The following GOLGA4 variants were observed in gnomAD, a reference collection of about 807,000 sequenced individuals.
GOLGA4 encodes the protein golgin subfamily A member 4.
Under a neutral mutation model 265.9 loss-of-function variants are expected in GOLGA4, and 169 were observed. That is an observed-to-expected ratio of 0.64 (90% CI 0.56 to 0.72). The LOEUF (loss-of-function observed/expected upper bound fraction) is 0.72. GOLGA4 is among the 30% of genes least tolerant of loss of function. GOLGA4 has a pLI of 0.00. For missense variants in GOLGA4, 2,482 were observed against 2,483.4 expected, an observed-to-expected ratio of 1.00 and a Z score of 0.01; for synonymous variants, 923 against 855.8, an observed-to-expected ratio of 1.08 and a Z score of -1.37.
Position 37,324,956 on chromosome 3 carries a change from A to T in GOLGA4, c.3070A>T (p.Asn1024Tyr), listed in dbSNP as rs2096965621. 1 of 1,613,510 alleles carries T rather than the reference A, an allele frequency of 6.2e-7. No individual in the cohort carries two copies. Reference protein sequence around the residue: ...ISDAVSRLETNQKEQIESLTE... With the variant: ...ISDAVSRLETYQKEQIESLTE... ...TGATGCAGTGTCAAGACTGGAAACA[A>T]ACCAAAAAGAACAAATAGAAAGTCT... is the stretch of plus-strand genomic sequence containing the variant. The change falls in exon 14 of 24, where the codon AAC (asparagine) becomes TAC (tyrosine). Residue 1024 changes from asparagine to tyrosine, a missense_variant. Around this residue, in one of 3 missense-constraint regions of GOLGA4, gnomAD observed 1,536 missense variants for 1,483.7 expected, o/e 1.04. Coordinates refer to ENST00000361924, the MANE Select transcript of GOLGA4 (RefSeq NM_002078.5).
intron 2 of GOLGA4, among the ~76,000 whole-genome samples, chr3:37,264,157 T>C (rs891628636): frequency 2.0e-5 from 3 of 152,222 alleles, no homozygotes; most frequent in Non-Finnish European, 2.9e-5. Flanking sequence ...CTTTGTGTTT[T>C]TCTTTTAAAA....
At chr3:37,320,870 A>T (rs1288182887) in intron 12 of GOLGA4, among the ~76,000 whole-genome samples, 1 of 152,146 alleles carries the variant, frequency 6.6e-6, no homozygotes, top group Admixed American at 6.5e-5. Context: ...TTTAAAATAT[A>T]GTTTACATTA....
At chr3:37,251,301 A>G (rs2096732988) in intron 1 of GOLGA4, 94 bp from the exon 2 acceptor site, 2 of 696,086 alleles carry the variant, frequency 2.9e-6, no homozygotes, top group Admixed American at 5.4e-5. Context: ...CTTTCACTGA[A>G]TTCTTTGGGC....
At chr3:37,257,994 TATGTATATATAC>T (rs2096756289) in intron 2 of GOLGA4, among the ~76,000 whole-genome samples, 8 of 88,970 alleles carry the variant, frequency 9.0e-5, no homozygotes, top group Non-Finnish European at 1.3e-4. Context: ...TGTATGTATA[TATGTATATATAC>T]ATACATATAT....
At chr3:37,343,614 C>T (rs1246854033) in intron 20 of GOLGA4, among the ~76,000 whole-genome samples, 1 of 152,212 alleles carries the variant, frequency 6.6e-6, no homozygotes, top group Non-Finnish European at 1.5e-5. Context: ...GGTCCTTCTC[C>T]ACCTTTGCTT....
intron 14 of GOLGA4, 35 bp from the exon 15 acceptor site, chr3:37,328,381 G>A: frequency 6.2e-7 from 1 of 1,600,964 alleles, no homozygotes; most frequent in Non-Finnish European, 8.5e-7. Context: ...TGTTCTTTGT[G>A]TGGCAGCAGT....
At chr3:37,262,766 A>G (rs2096773387) in intron 2 of GOLGA4, among the ~76,000 whole-genome samples, 2 of 151,714 alleles carry the variant, frequency 1.3e-5, no homozygotes, top group African/African-American at 2.4e-5. Flanking sequence ...AACAAAAACA[A>G]ACAGACAAAA....
chr3:37,334,860 A>G (rs771704298), intron 16 of GOLGA4, among the ~76,000 whole-genome samples, 193 bp from the exon 17 acceptor site: 1 of 152,126 alleles, frequency 6.6e-6, no homozygotes, highest in Non-Finnish European at 1.5e-5. Flanking sequence ...GGCATGAAGG[A>G]AAGTGTTTAG....
At position 37,327,483 on chromosome 3, in the gene GOLGA4, A is replaced by G; in HGVS notation, c.5597A>G (p.Gln1866Arg). ...IKELDSCLVR[Q>R]KEVHRVEMEE... Reference sequence around the variant, plus strand: ...GAGCTGGATTCCTGCTTAGTAAGACAGAAAGAAGTACATAGAGTTGAAATG... The same window carrying G: ...GAGCTGGATTCCTGCTTAGTAAGACGGAAAGAAGTACATAGAGTTGAAATG... Residue 1866 changes from glutamine to arginine, a missense_variant, in exon 14 of 24, where the codon CAG (glutamine) becomes CGG (arginine). This residue lies in a region of GOLGA4 where 942 missense variants were observed against 983.1 expected (regional missense o/e 0.96). Transcript: ENST00000361924. 1 of 1,613,432 alleles carries G rather than the reference A, an allele frequency of 6.2e-7. No homozygotes were observed. Among genetic ancestry groups the G allele is most frequent in the Non-Finnish European group, 8.5e-7 (1 of 1,179,626 alleles).
chr3:37,252,831 A>C (rs749019896), intron 2 of GOLGA4, among the ~76,000 whole-genome samples: 38 of 151,898 alleles, frequency 2.5e-4, no homozygotes, highest in Admixed American at 1.2e-3. Context: ...TTTAAAACTG[A>C]TTTGTAGGAG....
Position 37,326,597 on chromosome 3 carries a change from G to T in GOLGA4, c.4711G>T (p.Glu1571Ter). Residue 1571 changes from glutamate (E) to a stop codon, truncating the protein, a stop_gained, in exon 14 of 24, where the codon GAG becomes TAG. Transcript: ENST00000361924. LOFTEE classifies it high-confidence loss of function. ...GGTTCAGAAACTTCAACATTTTCAA[G>T]AGTTAGGAGAAGAAAAGGACAACAG... ...ELVQKLQHFQ[E>*]LGEEKDNRVK... 1 of 1,613,242 alleles carries T rather than the reference G, an allele frequency of 6.2e-7. No homozygotes were observed. The highest frequency in any genetic ancestry group is 1.1e-5 in the South Asian group (1 of 90,872).
intron 16 of GOLGA4, among the ~76,000 whole-genome samples, chr3:37,333,379 A>C (rs558805439): frequency 3.9e-4 from 59 of 152,290 alleles, no homozygotes; most frequent in Non-Finnish European, 6.0e-4. Context: ...GCAACAATAT[A>C]CTTTTTTTTT....
At position 37,324,390 on chromosome 3, in the gene GOLGA4, G is replaced by T. The variant is rs760093852; in HGVS notation, c.2504G>T (p.Arg835Ile). ...QQKLLDLETE[R>I]ILLTKQVAEV... Reference sequence around the variant, plus strand: ...AAGTTGTTGGATTTGGAAACAGAAAGAATTCTTCTTACCAAACAGGTTGCT... The same window carrying T: ...AAGTTGTTGGATTTGGAAACAGAAATAATTCTTCTTACCAAACAGGTTGCT... Residue 835 changes from arginine to isoleucine, a missense_variant, in exon 14 of 24, where the codon AGA (arginine) becomes ATA (isoleucine). Arg to Ile is a moderately conservative substitution (Grantham distance 97, BLOSUM62 -3). Coordinates refer to ENST00000361924, the MANE Select transcript of GOLGA4 (RefSeq NM_002078.5). 1.4e-5 allele frequency: 23 copies of T among 1,614,094 alleles called. No homozygotes were observed. The highest frequency in any genetic ancestry group is 1.9e-5 in the Non-Finnish European group (22 of 1,179,998).
chr3:37,362,861 C>T (rs553968058), intron 23 of GOLGA4, among the ~76,000 whole-genome samples: 317 of 144,276 alleles, frequency 2.2e-3, no homozygotes, highest in African/African-American at 7.9e-3. Context: ...TGGCTCACTG[C>T]AAGCCCCGCC....
chr3:37,244,723 G>T lies in GOLGA4; in HGVS notation c.72+1101G>T, dbSNP rs2096714208. Among the ~76,000 whole-genome samples the T allele has an allele frequency of 3.9e-5, 6 of 152,194 alleles. No homozygotes were observed. The South Asian group carries it at 1.2e-3, about 31-fold the overall frequency. The stretch of plus-strand genomic sequence containing the variant: ...TGAAGTTGTTCTTTTTAAATGTAAA[G>T]CTCATGTGTAGTAAAACAGTGCTTG... On this transcript the variant is annotated intron_variant, in intron 1 of 23. Transcript: ENST00000361924.
intron 6 of GOLGA4, 49 bp downstream of exon 6, chr3:37,295,126 A>G: frequency 9.3e-7 from 1 of 1,078,168 alleles, no homozygotes; most frequent in Non-Finnish European, 1.4e-6. Context: ...AAAGAAAAAT[A>G]GAGGGGGTTT....
At chr3:37,339,004 G>A (rs6803777) in intron 19 of GOLGA4, among the ~76,000 whole-genome samples, 5,856 of 151,910 alleles carry the variant, frequency 0.039, 146 homozygotes, top group African/African-American at 0.056. Context: ...TGGGACTACA[G>A]GTGCCTGCCA....
chr3:37,347,319 T>G, intron 21 of GOLGA4, 23 bp downstream of exon 21: 1 of 1,296,348 alleles, frequency 7.7e-7, no homozygotes, highest in Non-Finnish European at 1.1e-6. Context: ...TCTCGTGATT[T>G]GGTGTGTGGC....
chr3:37,364,578 T>C (rs1234537619), intron 23 of GOLGA4, among the ~76,000 whole-genome samples: 1 of 151,022 alleles, frequency 6.6e-6, no homozygotes, highest in Non-Finnish European at 1.5e-5. Flanking sequence ...AGGAAGACTT[T>C]GGCTATGTCA....
Sources: gnomAD v4.1 joint callset for allele counts (sites outside exome capture counted in the v4.1 genomes callset) on GRCh38, gnomAD v4.1.1 for gene constraint, gnomAD v4.1.1 regional missense constraint, MANE v1.5 for transcripts, NCBI Gene and HGNC (gene_info 2026-07-23, HGNC 2026-07-21) for gene names.